PCDH15: variants seen among roughly 807,000 people sequenced by gnomAD.
PCDH15 encodes the protein protocadherin related 15, also known as protocadherin-15.
PCDH15 carries 129 observed loss-of-function variants against 178.5 expected under a neutral mutation model. That is an observed-to-expected ratio of 0.72 (90% CI 0.63 to 0.84). The LOEUF is 0.84. Among genes scored for constraint, PCDH15 ranks in the 40% least tolerant of loss-of-function variants. The pLI is 0.00. For synonymous variants in PCDH15, 800 were observed against 732.0 expected, an observed-to-expected ratio of 1.09 and a Z score of -1.50; for missense variants, 2,230 against 2,099.9, an observed-to-expected ratio of 1.06 and a Z score of -1.21.
At chr10:54,469,138 C>G (rs1037801672) in intron 3 of PCDH15, among the ~76,000 whole-genome samples, 10 of 152,064 alleles carry the variant, frequency 6.6e-5, no homozygotes, top group African/African-American at 2.2e-4. Flanking sequence ...GCTCTGTTGC[C>G]CAGTTTGGAC....
At chr10:55,214,509 A>G (rs1056287161) in intron 1 of PCDH15, among the ~76,000 whole-genome samples, 3 of 150,662 alleles carry the variant, frequency 2.0e-5, no homozygotes, top group Admixed American at 1.3e-4. Flanking sequence ...TGACCATTTT[A>G]TATCCAAATT....
intron 2 of PCDH15, among the ~76,000 whole-genome samples, chr10:55,464,414 A>T (rs1181196262): frequency 6.6e-6 from 1 of 152,054 alleles, no homozygotes; most frequent in Non-Finnish European, 1.5e-5. Flanking sequence ...AAAACAATGA[A>T]AGAAAAAAAA....
intron 1 of PCDH15, among the ~76,000 whole-genome samples, chr10:54,730,509 T>C (rs1943190029): frequency 6.6e-6 from 1 of 151,534 alleles, no homozygotes; most frequent in Non-Finnish European, 1.5e-5. Flanking sequence ...CAATTTACCT[T>C]GTAGAAAACA....
At chr10:55,096,002 C>T (rs182978821) in intron 2 of PCDH15, among the ~76,000 whole-genome samples, 31 of 152,080 alleles carry the variant, frequency 2.0e-4, no homozygotes, top group African/African-American at 7.5e-4. Context: ...CATAATGACC[C>T]TATCTGAAAA....
intron 2 of PCDH15, among the ~76,000 whole-genome samples, chr10:54,578,607 T>C (rs888194789): frequency 6.6e-6 from 1 of 152,128 alleles, no homozygotes; most frequent in Non-Finnish European, 1.5e-5. Flanking sequence ...ATGGTCAGAA[T>C]GACAAAAATA....
chr10:54,319,501 C>A (rs1023104585), intron 7 of PCDH15, among the ~76,000 whole-genome samples: 2 of 152,066 alleles, frequency 1.3e-5, no homozygotes, highest in African/African-American at 2.4e-5. Flanking sequence ...TTGGTGGCTA[C>A]AAGGAGCTGG....
At chr10:54,075,240 G>A (rs2094319748) in intron 17 of PCDH15, among the ~76,000 whole-genome samples, 2 of 152,018 alleles carry the variant, frequency 1.3e-5, no homozygotes, top group Admixed American at 1.3e-4. Context: ...AGCCAGGCAT[G>A]GTGGCAGGTG....
intron 3 of PCDH15, among the ~76,000 whole-genome samples, chr10:54,807,100 C>A (rs1254511482): frequency 2.0e-5 from 3 of 152,092 alleles, no homozygotes; most frequent in Non-Finnish European, 4.4e-5. Flanking sequence ...ATAAAGGGAC[C>A]ATCTTAGAAT....
At chr10:54,214,756 A>AT (rs768314558) in intron 9 of PCDH15, among the ~76,000 whole-genome samples, 5 of 151,798 alleles carry the variant, frequency 3.3e-5, no homozygotes, top group African/African-American at 1.2e-4. Context: ...ATGCCTGGCT[A>AT]TTTTTTGTAT....
At chr10:54,482,519 C>T (rs970598181) in intron 3 of PCDH15, among the ~76,000 whole-genome samples, 1 of 151,652 alleles carries the variant, frequency 6.6e-6, no homozygotes, top group Non-Finnish European at 1.5e-5. Flanking sequence ...CACTGGTGTC[C>T]TTGTGAAAAT....
chr10:54,602,186 T>C (rs979139020), intron 2 of PCDH15, among the ~76,000 whole-genome samples: 4 of 152,040 alleles, frequency 2.6e-5, no homozygotes, highest in African/African-American at 7.2e-5. Flanking sequence ...CATTTTCCTT[T>C]ATTAATACTT....
chr10:55,282,169 T>G (rs899529127), intron 1 of PCDH15, among the ~76,000 whole-genome samples: 1 of 152,202 alleles, frequency 6.6e-6, no homozygotes, highest in Non-Finnish European at 1.5e-5. Context: ...TAATACTGTT[T>G]GTAAGACTCT....
chr10:54,654,145 C>T (rs1351672529), intron 2 of PCDH15, among the ~76,000 whole-genome samples: 1 of 152,178 alleles, frequency 6.6e-6, no homozygotes, highest in Non-Finnish European at 1.5e-5. Context: ...CATTTCATTG[C>T]TCACTCCACC....
At chr10:54,085,183 T>G (rs1320475420) in intron 16 of PCDH15, among the ~76,000 whole-genome samples, 1 of 152,018 alleles carries the variant, frequency 6.6e-6, no homozygotes, top group African/African-American at 2.4e-5. Context: ...ATTTTCAATA[T>G]AATCATAAAA....
intron 3 of PCDH15, among the ~76,000 whole-genome samples, chr10:54,417,136 C>T (rs1954544843): frequency 6.6e-6 from 1 of 152,096 alleles, no homozygotes; most frequent in Non-Finnish European, 1.5e-5. Flanking sequence ...GTGATCCACG[C>T]ACCTTAGTCT....
At chr10:54,969,213 T>G (rs998462749) in intron 2 of PCDH15, among the ~76,000 whole-genome samples, 8 of 152,180 alleles carry the variant, frequency 5.3e-5, no homozygotes, top group Non-Finnish European at 1.2e-4. Flanking sequence ...TCTTCAGATA[T>G]TCTTGAATGT....
At chr10:54,520,041 A>G (rs1050524268) in intron 3 of PCDH15, among the ~76,000 whole-genome samples, 15 of 152,186 alleles carry the variant, frequency 9.9e-5, no homozygotes, top group African/African-American at 3.4e-4. Flanking sequence ...TCCCTTCCTT[A>G]CACCTTATAC....
chr10:55,199,060 T>A (rs1289105197), intron 1 of PCDH15, among the ~76,000 whole-genome samples: 2 of 152,084 alleles, frequency 1.3e-5, no homozygotes, highest in Non-Finnish European at 2.9e-5. Flanking sequence ...TAAAGATGCC[T>A]GAAAAGGTGG....
At chr10:53,936,953 T>C (rs780006058) in intron 25 of PCDH15, among the ~76,000 whole-genome samples, 2 of 152,122 alleles carry the variant, frequency 1.3e-5, no homozygotes, top group Non-Finnish European at 2.9e-5. Context: ...TGAGATTGAA[T>C]TAGAAATATA....
Sources: allele counts gnomAD v4.1 joint callset (sites outside exome capture counted in the v4.1 genomes callset), GRCh38; gene constraint gnomAD v4.1.1; transcripts MANE v1.5; gene names NCBI Gene and HGNC (gene_info 2026-07-23, HGNC 2026-07-21).